The following MYO16 variants were observed in gnomAD, a reference collection of about 807,000 sequenced individuals.
MYO16 encodes unconventional myosin-XVI.
MYO16 carries 94 observed loss-of-function variants against 205.3 expected under a neutral mutation model. The ratio of observed to expected loss-of-function variants is 0.46; its 90% CI spans 0.39 to 0.54. The LOEUF (loss-of-function observed/expected upper bound fraction) is 0.54, where lower values mean the gene tolerates loss of function less well. Among genes scored for constraint, MYO16 ranks in the 20% least tolerant of loss-of-function variants. MYO16 has a pLI of 0.00. For synonymous variants in MYO16, 988 were observed against 954.0 expected, an observed-to-expected ratio of 1.04 and a Z score of -0.66; for missense variants, 2,315 against 2,387.5, an observed-to-expected ratio of 0.97 and a Z score of 0.63.
intron 27 of MYO16, among the ~76,000 whole-genome samples, chr13:109,091,528 C>A (rs1181713540): frequency 1.3e-5 from 2 of 152,162 alleles, no homozygotes; most frequent in Non-Finnish European, 2.9e-5. Context: ...TCTGACGTTG[C>A]CATTGACGCC....
intron 20 of MYO16, among the ~76,000 whole-genome samples, chr13:108,968,033 C>T (rs578030526): frequency 1.8e-4 from 28 of 152,266 alleles, no homozygotes; most frequent in Admixed American, 4.6e-4. Flanking sequence ...CATTTGTATG[C>T]GAATGTCATT....
intron 1 of MYO16, among the ~76,000 whole-genome samples, chr13:108,653,758 T>C (rs1433863085): frequency 1.3e-5 from 2 of 151,362 alleles, no homozygotes; most frequent in Non-Finnish European, 1.5e-5. Context: ...TATGCTTATA[T>C]GCACACACAC....
At chr13:108,659,200 G>A (rs112602680) in intron 1 of MYO16, among the ~76,000 whole-genome samples, 9 of 137,360 alleles carry the variant, frequency 6.6e-5, no homozygotes, top group Admixed American at 2.2e-4. Context: ...GTATATATAT[G>A]TGTGTGTGTG....
Position 109,081,141 on chromosome 13 carries a change from A to G in MYO16, c.3336-19644A>G, listed in dbSNP as rs140444797. 8.4e-3 allele frequency among the ~76,000 whole-genome samples: 1,274 copies of G among 152,264 alleles called. 14 individuals carry two copies. Among genetic ancestry groups the G allele is most frequent in the African/African-American group, 0.028 (1,150 of 41,552 alleles). On this transcript the variant is annotated intron_variant, in intron 27 of 34. Transcript: ENST00000457511. Reference sequence around the variant, plus strand: ...TACATTCTGTCCTCAGAATTCTCATACGTTATTTATTCACTTGGTTAAAAC... The same window carrying G: ...TACATTCTGTCCTCAGAATTCTCATGCGTTATTTATTCACTTGGTTAAAAC...
At chr13:109,149,980 T>G (rs1414187999) in intron 32 of MYO16, among the ~76,000 whole-genome samples, 1 of 152,352 alleles carries the variant, frequency 6.6e-6, no homozygotes, top group East Asian at 1.9e-4. Context: ...ATATTTTTTG[T>G]AGGACACATA....
At chr13:108,585,759 C>T in the MYO16 span, among the ~76,000 whole-genome samples, 2 of 152,084 alleles carry the variant, frequency 1.3e-5, no homozygotes, top group Non-Finnish European at 2.9e-5. Flanking sequence ...TGAAACCCAT[C>T]TGATGAGAAT....
chr13:108,853,073 A>T lies in MYO16; in HGVS notation c.1249-2370A>T, dbSNP rs554671457. On this transcript the variant is annotated intron_variant, in intron 10 of 34. Coordinates refer to ENST00000457511, the MANE Select transcript of MYO16 (RefSeq NM_001198950.3). ...TTGTGTGACCGATGAAAGCAGAATT[A>T]AAAACTGCCTGGATCAAGACCACCA... Among the ~76,000 whole-genome samples, 3 of 152,338 alleles carry T rather than the reference A, an allele frequency of 2.0e-5. No homozygotes were observed. In the South Asian group the frequency reaches 6.2e-4, roughly 32 times the overall value.
chr13:108,771,263 A>G (rs1885954359), intron 4 of MYO16, among the ~76,000 whole-genome samples: 1 of 152,152 alleles, frequency 6.6e-6, no homozygotes, highest in Non-Finnish European at 1.5e-5. Flanking sequence ...GGAGAGAGAA[A>G]AACTATGTAA....
intron 23 of MYO16, among the ~76,000 whole-genome samples, chr13:109,022,277 A>T (rs1292882168): frequency 2.3e-5 from 3 of 129,480 alleles, no homozygotes; most frequent in African/African-American, 9.2e-5. Context: ...ATACATATTT[A>T]TATATACAAA....
rs1447320408 is a variant in MYO16, at chr13:108,712,729, C to T, written c.361C>T (p.Leu121=). 13 of 1,612,278 alleles carry T rather than the reference C, an allele frequency of 8.1e-6. No homozygotes were observed. The highest frequency in any genetic ancestry group is 1.1e-5 in the Non-Finnish European group (13 of 1,179,364). ...LVSSGGSLLH[L]CARYDNAFIA... Reference sequence around the variant, plus strand: ...CTCCTCGGGAGGGTCCCTGCTCCATCTGGTAAGAACCGCGACAGTCAGTGC... The same window carrying T: ...CTCCTCGGGAGGGTCCCTGCTCCATTTGGTAAGAACCGCGACAGTCAGTGC... Residue 121 remains leucine (L), a splice_region_variant and synonymous_variant, in exon 3 of 35, where the codon CTG becomes TTG. Transcript: ENST00000457511.
rs1171326212 is a variant in MYO16, at chr13:108,749,130, C to T, written c.507+21547C>T. Reference sequence around the variant, plus strand: ...GGAATGGCTAAATCAAGCTAATTAACATATGCATTACCTCACAAACTTATT... The same window carrying T: ...GGAATGGCTAAATCAAGCTAATTAATATATGCATTACCTCACAAACTTATT... On this transcript the variant is annotated intron_variant, in intron 4 of 34. Transcript: ENST00000457511. Among the ~76,000 whole-genome samples the T allele has an allele frequency of 8.6e-5, 13 of 151,696 alleles. No individual in the cohort carries two copies. In the East Asian group the frequency reaches 1.7e-3, roughly 20 times the overall value.
the MYO16 span, among the ~76,000 whole-genome samples, chr13:108,523,139 C>T: frequency 6.6e-6 from 1 of 152,118 alleles, no homozygotes; most frequent in Admixed American, 6.5e-5. Flanking sequence ...GACAGTGAAA[C>T]AGACGCATCT....
intron 7 of MYO16, 59 bp from the exon 8 acceptor site, chr13:108,820,278 C>T (rs372014011): frequency 1.3e-4 from 164 of 1,251,026 alleles, no homozygotes; most frequent in Non-Finnish European, 1.7e-4. Context: ...GTATGACTTA[C>T]TGATGTATCC....
chr13:108,671,121 T>C (rs1281902798), intron 2 of MYO16, among the ~76,000 whole-genome samples: 1 of 152,236 alleles, frequency 6.6e-6, no homozygotes, highest in African/African-American at 2.4e-5. Context: ...TTTTATTTTA[T>C]TTAAGAAATT....
chr13:108,805,949 T>TAAATAAATAAATAAATAAAC (rs879814386), intron 6 of MYO16, among the ~76,000 whole-genome samples: 9 of 151,002 alleles, frequency 6.0e-5, no homozygotes, highest in Non-Finnish European at 1.2e-4. Context: ...AATAAATAAA[T>TAAATAAATAAATAAATAAAC]AAATAAATAA....
chr13:108,662,337 C>A (rs1881539742), intron 1 of MYO16, among the ~76,000 whole-genome samples: 1 of 152,152 alleles, frequency 6.6e-6, no homozygotes, highest in Non-Finnish European at 1.5e-5. Flanking sequence ...GGACGGAACC[C>A]TAGAACTTCC....
At chr13:109,192,763 T>G (rs991820465) in intron 34 of MYO16, among the ~76,000 whole-genome samples, 1 of 152,158 alleles carries the variant, frequency 6.6e-6, no homozygotes, top group Non-Finnish European at 1.5e-5. Flanking sequence ...ACATGAAAGG[T>G]CATCCACTCA....
At chr13:108,968,486 C>T (rs1594434147) in intron 20 of MYO16, among the ~76,000 whole-genome samples, 1 of 151,926 alleles carries the variant, frequency 6.6e-6, no homozygotes, top group Non-Finnish European at 1.5e-5. Flanking sequence ...ATTAGCCAGG[C>T]GTGGTGGTGC....
intron 3 of MYO16, among the ~76,000 whole-genome samples, chr13:108,713,566 TCTTA>T (rs1316173566): frequency 1.3e-5 from 2 of 152,204 alleles, no homozygotes; most frequent in African/African-American, 4.8e-5. Context: ...CCACAAAGAT[TCTTA>T]CTTATTTTTT....
Sources: gnomAD v4.1 joint callset for allele counts (sites outside exome capture counted in the v4.1 genomes callset) on GRCh38, gnomAD v4.1.1 for gene constraint, MANE v1.5 for transcripts, NCBI Gene and HGNC (gene_info 2026-07-23, HGNC 2026-07-21) for gene names.